NCOA2: variants seen among roughly 807,000 people sequenced by gnomAD.
The protein encoded by NCOA2 is nuclear receptor coactivator 2.
A neutral mutation model predicts 145.1 loss-of-function variants in NCOA2; 21 were observed. The observed-to-expected ratio is 0.14, with a 90% CI of 0.10 to 0.21. The LOEUF is 0.21. NCOA2 is among the 10% of genes least tolerant of loss of function. The pLI is 1.00. For missense variants in NCOA2, 1,472 were observed against 1,837.6 expected (o/e 0.80, Z 3.64); for synonymous variants, 619 against 637.5 (o/e 0.97, Z 0.44).
In NCOA2 at chr8:70,131,874, A is replaced by G; in HGVS notation, c.3287T>C (p.Ile1096Thr). The change falls in exon 16 of 23, where the codon ATT becomes ACT. Residue 1096 changes from isoleucine (I) to threonine (T), a missense_variant. Physicochemically the swap from Ile to Thr is moderately conservative, Grantham distance 89. This residue lies in a region of NCOA2 where 953 missense variants were observed against 1,062.1 expected (regional missense o/e 0.90). Coordinates refer to ENST00000452400, the MANE Select transcript of NCOA2 (RefSeq NM_006540.4). ...ALRNFDGLEE[I>T]DRALGIPELV... ...TTCGGGTATTCCTAAGGCTCTATCA[A>G]TCTCCTCCAGGCCATCAAAATTCCG... 2 of 1,600,492 alleles carry G rather than the reference A, an allele frequency of 1.2e-6. No homozygotes were observed. Among genetic ancestry groups the G allele is most frequent in the Non-Finnish European group, 1.7e-6 (2 of 1,173,822 alleles).
intron 1 of NCOA2, among the ~76,000 whole-genome samples, chr8:70,339,692 C>T (rs1232546269): frequency 1.3e-5 from 2 of 152,164 alleles, no homozygotes; most frequent in East Asian, 3.8e-4. Flanking sequence ...AGCTATACTA[C>T]AAGGCTACAG....
the NCOA2 span, among the ~76,000 whole-genome samples, chr8:70,430,595 C>T: frequency 6.6e-6 from 1 of 152,186 alleles, no homozygotes; most frequent in South Asian, 2.1e-4. Context: ...TTGGCTCAAC[C>T]ACTGCCTCAT....
At position 70,216,010 on chromosome 8, in the gene NCOA2, G is replaced by A. The variant is rs558310712; in HGVS notation, c.86+650C>T. Among the ~76,000 whole-genome samples the A allele has an allele frequency of 1.9e-4, 29 of 152,172 alleles. No individual in the cohort carries two copies. The South Asian group carries it at 6.0e-3, about 32-fold the overall frequency. On this transcript the variant is annotated intron_variant, in intron 3 of 22. Coordinates refer to ENST00000452400, the MANE Select transcript of NCOA2 (RefSeq NM_006540.4). ...CTAGATGTACCACAGCTGTTTAACAGACATTTAGGTTTTTCCGAATCTTTT... is the reference window on the plus strand; with the variant it reads ...CTAGATGTACCACAGCTGTTTAACAAACATTTAGGTTTTTCCGAATCTTTT...
chr8:70,205,401 T>G lies in NCOA2; in HGVS notation c.259+8502A>C, dbSNP rs556048806. Among the ~76,000 whole-genome samples the G allele has an allele frequency of 2.0e-5, 3 of 152,192 alleles. No homozygotes were observed. In the East Asian group the frequency reaches 5.8e-4, roughly 29 times the overall value. ...AGTCTAGGGTAATGGGCTTTGGGTATACGTACTGATGAAATGAGCCACAAG... is the reference window on the plus strand; with the variant it reads ...AGTCTAGGGTAATGGGCTTTGGGTAGACGTACTGATGAAATGAGCCACAAG... On this transcript the variant is annotated intron_variant, in intron 4 of 22. Coordinates refer to ENST00000452400, the MANE Select transcript of NCOA2 (RefSeq NM_006540.4).
chr8:70,270,250 T>C (rs1164036271), intron 2 of NCOA2, among the ~76,000 whole-genome samples: 2 of 151,208 alleles, frequency 1.3e-5, no homozygotes, highest in Non-Finnish European at 2.9e-5. Flanking sequence ...CATGATTTGA[T>C]GAAAAGAGTC....
intron 21 of NCOA2, among the ~76,000 whole-genome samples, chr8:70,122,423 C>CTT (rs768646156): frequency 1.4e-5 from 2 of 143,274 alleles, no homozygotes; most frequent in African/African-American, 2.6e-5. Context: ...CTAATTTAAA[C>CTT]TTTTTTTTTT....
chr8:70,405,958 CTTGAA>C (rs1338523020), upstream of NCOA2, among the ~76,000 whole-genome samples: 2 of 152,182 alleles, frequency 1.3e-5, no homozygotes, highest in African/African-American at 4.8e-5. Flanking sequence ...ATTGCCTGAG[CTTGAA>C]TTGAATTGTG....
At chr8:70,386,777 G>A (rs1422831125) in intron 1 of NCOA2, among the ~76,000 whole-genome samples, 1 of 152,170 alleles carries the variant, frequency 6.6e-6, no homozygotes, top group Non-Finnish European at 1.5e-5. Flanking sequence ...TTGATGCTCA[G>A]CAGCAACTCA....
intron 6 of NCOA2, among the ~76,000 whole-genome samples, chr8:70,169,153 A>G (rs1813954679): frequency 6.6e-6 from 1 of 152,240 alleles, no homozygotes; most frequent in African/African-American, 2.4e-5. Flanking sequence ...AGAATATTAA[A>G]AAAAGAATCA....
the NCOA2 span, among the ~76,000 whole-genome samples, chr8:70,414,530 C>T: frequency 6.6e-6 from 1 of 152,156 alleles, no homozygotes; most frequent in Non-Finnish European, 1.5e-5. Context: ...CCCCAAGGTG[C>T]CCCATCTTCA....
intron 22 of NCOA2, among the ~76,000 whole-genome samples, chr8:70,120,230 T>A (rs1056904299): frequency 5.9e-5 from 9 of 152,182 alleles, no homozygotes; most frequent in African/African-American, 1.4e-4. Flanking sequence ...TAGGATTTTT[T>A]AAAAAAGAGC....
At position 70,328,425 on chromosome 8, in the gene NCOA2, C is replaced by T. The variant is rs547564619; in HGVS notation, c.-76-31625G>A. On this transcript the variant is annotated intron_variant, in intron 1 of 22. Coordinates refer to ENST00000452400, the MANE Select transcript of NCOA2 (RefSeq NM_006540.4). ...ATTTTTCTTGTCCTCTCTAGGTCTC[C>T]TAGACATCATTCATAAACTGGATTC... 7.9e-5 allele frequency among the ~76,000 whole-genome samples: 12 copies of T among 152,244 alleles called. No individual in the cohort carries two copies. In the South Asian group the frequency reaches 2.5e-3, roughly 32 times the overall value.
rs61028027 is a variant in NCOA2, at chr8:70,314,180, C to CAAAAAAAAA, written c.-76-17389_-76-17381dup. Among the ~76,000 whole-genome samples, 155 of 17,200 alleles carry CAAAAAAAAA rather than the reference C, an allele frequency of 9.0e-3. 25 individuals are homozygous for CAAAAAAAAA. The highest frequency in any genetic ancestry group is 0.041 in the East Asian group (10 of 244). 11.3% of individuals were successfully genotyped at this position (17,200 alleles called of 152,430 possible). ...GGGCGACAGAGCAAGACTCTGACTC[C>CAAAAAAAAA]AAAAAAAAAAAAAAAAAAAAAAAAA... On this transcript the variant is annotated intron_variant, in intron 1 of 22. Coordinates refer to ENST00000452400, the MANE Select transcript of NCOA2 (RefSeq NM_006540.4).
intron 14 of NCOA2, 93 bp downstream of exon 14, chr8:70,141,091 G>A: frequency 8.3e-7 from 1 of 1,204,098 alleles, no homozygotes. Flanking sequence ...TATCTAAAAT[G>A]CCCATAAGAA....
chr8:70,417,686 T>G, the NCOA2 span, among the ~76,000 whole-genome samples: 10 of 152,322 alleles, frequency 6.6e-5, no homozygotes, highest in African/African-American at 2.4e-4. Context: ...GACTCAAAAC[T>G]TCATTCATGA....
At position 70,289,020 on chromosome 8, in the gene NCOA2, C is replaced by A. The variant is rs184117194; in HGVS notation, c.-20+7724G>T. 1.8e-3 allele frequency among the ~76,000 whole-genome samples: 274 copies of A among 152,224 alleles called. 1 individual carries two copies. Among genetic ancestry groups the A allele is most frequent in the Non-Finnish European group, 3.0e-3 (205 of 67,998 alleles). On this transcript the variant is annotated intron_variant, in intron 2 of 22. Coordinates refer to ENST00000452400, the MANE Select transcript of NCOA2 (RefSeq NM_006540.4). ...TATATTAATAAGAAACTCATCAAAC[C>A]AATTTGTCCAATAGATGTTTAAGTC...
At chr8:70,449,752 G>A in the NCOA2 span, among the ~76,000 whole-genome samples, 1 of 152,206 alleles carries the variant, frequency 6.6e-6, no homozygotes. Flanking sequence ...AGGTCTGCAG[G>A]GGCAGATCCA....
At chr8:70,449,516 C>T in the NCOA2 span, among the ~76,000 whole-genome samples, 7 of 152,292 alleles carry the variant, frequency 4.6e-5, no homozygotes, top group South Asian at 8.3e-4. Context: ...GGAGAGGGAG[C>T]GAGCAAAGGA....
chr8:70,255,671 T>C (rs916617852), intron 2 of NCOA2, among the ~76,000 whole-genome samples: 4 of 152,150 alleles, frequency 2.6e-5, no homozygotes, highest in African/African-American at 9.7e-5. Flanking sequence ...ACAGCAGACA[T>C]TGCCAATTAA....
Sources: allele counts gnomAD v4.1 joint callset (sites outside exome capture counted in the v4.1 genomes callset), GRCh38; gene constraint gnomAD v4.1.1; regional missense constraint gnomAD v4.1.1; transcripts MANE v1.5; gene names NCBI Gene and HGNC (gene_info 2026-07-23, HGNC 2026-07-21).